The following CST2 variants were observed in gnomAD, a reference collection of about 807,000 sequenced individuals.
CST2 encodes cystatin-SA.
Under a neutral mutation model 13.4 loss-of-function variants are expected in CST2, and 26 were observed. The observed-to-expected ratio is 1.95, with a 90% CI of 1.43 to 2.70. The LOEUF (loss-of-function observed/expected upper bound fraction) is 2.70. Among genes scored for constraint, CST2 ranks in the 30% most tolerant of loss-of-function variants. CST2 has a pLI of 0.00. For missense variants in CST2, 243 were observed against 173.4 expected, an observed-to-expected ratio of 1.40 and a Z score of -2.25; for synonymous variants, 105 against 71.1, an observed-to-expected ratio of 1.48 and a Z score of -2.40.
At position 23,826,464 on chromosome 20, in the gene CST2, C is replaced by A. The variant is rs202098615; in HGVS notation, c.197G>T (p.Arg66Leu). The A allele has an allele frequency of 6.2e-7, 1 of 1,614,158 alleles. No individual in the cohort carries two copies. Among genetic ancestry groups the A allele is most frequent in the Non-Finnish European group, 8.5e-7 (1 of 1,180,002 alleles). ...NKATEDEYYR[R>L]LLRVLRAREQ... ...CCTGGCTCGTAGCACCCGCAGCAGG[C>A]GTCTGTAGTACTCATCTTCAGTGGC... Residue 66 changes from arginine (R) to leucine (L), a missense_variant, in exon 1 of 3, where the codon CGC becomes CTC. Physicochemically the swap from Arg to Leu is moderately radical, Grantham distance 102. Coordinates refer to ENST00000304725, the MANE Select transcript of CST2 (RefSeq NM_001322.3).
At chr20:23,824,230 G>T in intron 2 of CST2, 127 bp from the exon 3 acceptor site, 1 of 883,358 alleles carries the variant, frequency 1.1e-6, no homozygotes, top group Non-Finnish European at 1.8e-6. Context: ...ACCCACCCCT[G>T]CTGAGTCCCA....
rs1353861599 is a variant in CST2, at chr20:23,826,624, C to A, written c.37G>T (p.Ala13Ser). The A allele has an allele frequency of 1.2e-6, 2 of 1,611,738 alleles. No homozygotes were observed. Among genetic ancestry groups the A allele is most frequent in the Non-Finnish European group, 1.7e-6 (2 of 1,179,306 alleles). Residue 13 changes from alanine to serine, a missense_variant, in exon 1 of 3, where the codon GCC (alanine) becomes TCC (serine). Ala to Ser is a moderately conservative substitution (Grantham distance 99). Transcript: ENST00000304725. ...CAGGCCAGGGCCACAGCCTGGGTGG[C>A]CAGCAGGAGCAGCAGGGTGCACAGG... ...WPLCTLLLLLATQAVALAWSP... is the reference protein window; with the variant it reads ...WPLCTLLLLLSTQAVALAWSP...
At chr20:23,824,194 G>T (rs1413172176) in intron 2 of CST2, 91 bp from the exon 3 acceptor site, 1 of 1,348,896 alleles carries the variant, frequency 7.4e-7, no homozygotes, top group Non-Finnish European at 1.0e-6. Flanking sequence ...TGAGTGAGGA[G>T]GATGGAGGTG....
chr20:23,824,665 G>T (rs117940465), intron 2 of CST2, among the ~76,000 whole-genome samples: 5,569 of 152,128 alleles, frequency 0.037, 144 homozygotes, highest in Non-Finnish European at 0.054. Context: ...CCACTAATCT[G>T]ATCATTGTGT....
Position 23,826,440 on chromosome 20 carries a change from C to T in CST2, c.221G>A (p.Arg74Lys). 1 of 1,614,054 alleles carries T rather than the reference C, an allele frequency of 6.2e-7. No individual in the cohort carries two copies. Among genetic ancestry groups the T allele is most frequent in the Non-Finnish European group, 8.5e-7 (1 of 1,179,914 alleles). Reference sequence around the variant, plus strand: ...GGTGGAGGCAGCACCCACCTGCTCCCTGGCTCGTAGCACCCGCAGCAGGCG... The same window carrying T: ...GGTGGAGGCAGCACCCACCTGCTCCTTGGCTCGTAGCACCCGCAGCAGGCG... ...YRRLLRVLRA[R>K]EQIVGGVNYF... Residue 74 changes from arginine (R) to lysine (K), a missense_variant, in exon 1 of 3, where the codon AGG (arginine) becomes AAG (lysine). Transcript: ENST00000304725.
Position 23,823,795 on chromosome 20 carries a change from G to A in CST2, c.*225C>T. 2 of 561,894 alleles carry A rather than the reference G, an allele frequency of 3.6e-6. No individual in the cohort carries two copies. The highest frequency in any genetic ancestry group is 6.4e-6 in the Non-Finnish European group (2 of 312,302). 34.8% of individuals were successfully genotyped at this position (561,894 alleles called of 1,614,324 possible). A position where few individuals can be genotyped will look rare whatever the true frequency, so the allele number is the denominator to read the frequency against. On this transcript the variant is annotated 3_prime_UTR_variant, in exon 3 of 3. Transcript: ENST00000304725. ...GTGATGCTACTGTTTAATTGCAGGAGGTGGGGGTGTGTGTACCATGTACCA... is the reference window on the plus strand; with the variant it reads ...GTGATGCTACTGTTTAATTGCAGGAAGTGGGGGTGTGTGTACCATGTACCA...
At chr20:23,825,427 G>A (rs971061481) in intron 1 of CST2, 104 bp from the exon 2 acceptor site, 24 of 1,203,836 alleles carry the variant, frequency 2.0e-5, no homozygotes, top group African/African-American at 8.9e-5. Flanking sequence ...TGGGGGCTTC[G>A]TGAGCTGCCC....
At chr20:23,825,701 T>A (rs768665877) in intron 1 of CST2, among the ~76,000 whole-genome samples, 34 of 151,826 alleles carry the variant, frequency 2.2e-4, no homozygotes, top group Non-Finnish European at 4.1e-4. Flanking sequence ...GAAAGGGAGG[T>A]GGAGGCAAGC....
At position 23,826,577 on chromosome 20, in the gene CST2, C is replaced by A; in HGVS notation, c.84G>T (p.Arg28Ser). 1 of 1,613,980 alleles carries A rather than the reference C, an allele frequency of 6.2e-7. No homozygotes were observed. The highest frequency in any genetic ancestry group is 8.5e-7 in the Non-Finnish European group (1 of 1,179,988). Residue 28 changes from arginine (R) to serine (S), a missense_variant, in exon 1 of 3, where the codon AGG becomes AGT. By Grantham distance (110) the Arg-to-Ser change is moderately radical. Coordinates refer to ENST00000304725, the MANE Select transcript of CST2 (RefSeq NM_001322.3). The stretch of plus-strand genomic sequence containing the variant: ...CATCATAGATGCCACCCTCGATTAT[C>A]CTGTCCTCCTCCTGGGGGCTCCAGG... The part of the protein sequence containing the change: ...ALAWSPQEED[R>S]IIEGGIYDAD...
At chr20:23,825,155 C>A in intron 2 of CST2, 55 bp downstream of exon 2, 1 of 1,603,438 alleles carries the variant, frequency 6.2e-7, no homozygotes, top group Non-Finnish European at 8.5e-7. Flanking sequence ...GAGACTGACA[C>A]ATACGCACCC....
At chr20:23,826,379 C>G in intron 1 of CST2, 54 bp downstream of exon 1, 1 of 1,421,182 alleles carries the variant, frequency 7.0e-7, no homozygotes, top group South Asian at 1.2e-5. Context: ...TCTTATGGAT[C>G]GGGCAACAAA....
Position 23,826,570 on chromosome 20 carries a change from C to T in CST2, c.91G>A (p.Glu31Lys), listed in dbSNP as rs1212965908. 14 of 1,613,912 alleles carry T rather than the reference C, an allele frequency of 8.7e-6. No homozygotes were observed. Among genetic ancestry groups the T allele is most frequent in the East Asian group, 2.2e-5 (1 of 44,860 alleles). The change falls in exon 1 of 3, where the codon GAG becomes AAG. Residue 31 changes from glutamate (E) to lysine (K), a missense_variant. Physicochemically the swap from Glu to Lys is moderately conservative, Grantham distance 56 (BLOSUM62 1). Coordinates refer to ENST00000304725, the MANE Select transcript of CST2 (RefSeq NM_001322.3). ...AGGTCTGCATCATAGATGCCACCCT[C>T]GATTATCCTGTCCTCCTCCTGGGGG... The part of the protein sequence containing the change: ...WSPQEEDRII[E>K]GGIYDADLND...
At position 23,826,696 on chromosome 20, in the gene CST2, C is replaced by T; in HGVS notation, c.-36G>A. The stretch of plus-strand genomic sequence containing the variant: ...GAGGCAGAGCACAGAGCTGGAGCTG[C>T]AGGAGAGGAGGTTGAGAGCCTGAGG... On this transcript the variant is annotated 5_prime_UTR_variant, in exon 1 of 3. Coordinates refer to ENST00000304725, the MANE Select transcript of CST2 (RefSeq NM_001322.3). The T allele has an allele frequency of 4.5e-6, 7 of 1,543,432 alleles. No individual in the cohort carries two copies. The highest frequency in any genetic ancestry group is 6.1e-6 in the Non-Finnish European group (7 of 1,144,046).
chr20:23,826,021 C>G (rs1204672689), intron 1 of CST2, among the ~76,000 whole-genome samples: 1 of 152,212 alleles, frequency 6.6e-6, no homozygotes, highest in Non-Finnish European at 1.5e-5. Context: ...TCCACCCCAG[C>G]AGGGACTCAG....
intron 2 of CST2, among the ~76,000 whole-genome samples, chr20:23,824,712 A>T (rs1490334046): frequency 6.6e-6 from 1 of 151,870 alleles, no homozygotes; most frequent in Non-Finnish European, 1.5e-5. Context: ...CTGGGATTAG[A>T]CAGAGCCCCT....
At position 23,823,843 on chromosome 20, in the gene CST2, G is replaced by A; in HGVS notation, c.*177C>T. On this transcript the variant is annotated 3_prime_UTR_variant, in exon 3 of 3. Transcript: ENST00000304725. The stretch of plus-strand genomic sequence containing the variant: ...CCAGGGCTATGAGAAGCAAAAGGAA[G>A]GAGGGAGGGCAGAGTCCCCTGCTGA... 2 of 630,644 alleles carry A rather than the reference G, an allele frequency of 3.2e-6. No individual in the cohort carries two copies. Among genetic ancestry groups the A allele is most frequent in the South Asian group, 4.0e-5 (2 of 50,274 alleles). The allele number at this position is 630,644 out of a possible 1,614,324, so 39.1% of individuals were successfully genotyped here. A position where few individuals can be genotyped will look rare whatever the true frequency, so the allele number is the denominator to read the frequency against.
At chr20:23,824,189 G>T in intron 2 of CST2, 86 bp from the exon 3 acceptor site, 3 of 1,365,352 alleles carry the variant, frequency 2.2e-6, no homozygotes, top group Non-Finnish European at 3.1e-6. Flanking sequence ...CAGCCTGAGT[G>T]AGGAGGATGG....
rs1010824773 is a variant in CST2, at chr20:23,823,942, G to C, written c.*78C>G. 5 of 1,508,622 alleles carry C rather than the reference G, an allele frequency of 3.3e-6. No homozygotes were observed. In the Admixed American group the frequency reaches 5.1e-5, roughly 15 times the overall value. 93.5% of individuals were successfully genotyped at this position (1,508,622 alleles called of 1,614,324 possible). Reference sequence around the variant, plus strand: ...CATGGGGAGACCTCCCACAGGGTGGGGGCCACCAGTCCAGGGGTGGGAGCA... The same window carrying C: ...CATGGGGAGACCTCCCACAGGGTGGCGGCCACCAGTCCAGGGGTGGGAGCA... On this transcript the variant is annotated 3_prime_UTR_variant, in exon 3 of 3. Coordinates refer to ENST00000304725, the MANE Select transcript of CST2 (RefSeq NM_001322.3).
intron 1 of CST2, 112 bp downstream of exon 1, chr20:23,826,321 T>C: frequency 1.2e-6 from 1 of 868,402 alleles, no homozygotes; most frequent in South Asian, 1.6e-5. Flanking sequence ...GCTGAATGAA[T>C]CTGAGCATTA....
Sources: gnomAD v4.1 joint callset for allele counts (sites outside exome capture counted in the v4.1 genomes callset) on GRCh38, gnomAD v4.1.1 for gene constraint, MANE v1.5 for transcripts, NCBI Gene and HGNC (gene_info 2026-07-23, HGNC 2026-07-21) for gene names.